Variants in PMEL observed in about 807,000 individuals in gnomAD.
PMEL encodes premelanosome protein, also known as melanocyte protein PMEL.
A neutral mutation model predicts 64.9 loss-of-function variants in PMEL; 53 were observed. The ratio of observed to expected loss-of-function variants is 0.82; its 90% confidence interval spans 0.66 to 1.03. The LOEUF is 1.03. Among genes scored for constraint, PMEL ranks in the 50% least tolerant of loss-of-function variants. The pLI, the probability that PMEL is intolerant of heterozygous loss-of-function variation, is 0.00. For missense variants in PMEL, 716 were observed against 814.9 expected, an observed-to-expected ratio of 0.88 and a Z score of 1.48; for synonymous variants, 299 against 316.2, an observed-to-expected ratio of 0.95 and a Z score of 0.58.
At chr12:55,965,519 T>G (rs1889265759) in intron 1 of PMEL, among the ~76,000 whole-genome samples, 1 of 151,926 alleles carries the variant, frequency 6.6e-6, no homozygotes, top group Non-Finnish European at 1.5e-5. Flanking sequence ...CTGGGCTGTG[T>G]TCACCCGTAC....
intron 1 of PMEL, among the ~76,000 whole-genome samples, chr12:55,962,827 C>T (rs1239424360): frequency 6.6e-6 from 1 of 151,872 alleles, no homozygotes; most frequent in Non-Finnish European, 1.5e-5. Flanking sequence ...CACTGCGCCT[C>T]GCCTGTTTTG....
chr12:55,957,083 A>G lies in PMEL; in HGVS notation c.1220T>C (p.Ile407Thr). The G allele has an allele frequency of 6.2e-7, 1 of 1,614,166 alleles. No individual in the cohort carries two copies. The highest frequency in any genetic ancestry group is 1.7e-5 in the Admixed American group (1 of 60,028). ...ATGMTPAEVS[I>T]VVLSGTTAAQ... is the part of the protein sequence containing the mutation. ...AGCTGTGGTTCCAGAAAGCACCACA[A>G]TTGATACCTCTGCAGGTGTCATACC... Residue 407 changes from isoleucine to threonine, a missense_variant, in exon 6 of 11, where the codon ATT (isoleucine) becomes ACT (threonine). Transcript: ENST00000548747.
intron 3 of PMEL, among the ~76,000 whole-genome samples, chr12:55,958,978 C>G (rs948551415): frequency 4.0e-5 from 6 of 150,062 alleles, no homozygotes; most frequent in African/African-American, 1.5e-4. Flanking sequence ...CAGGGTCTTG[C>G]TATATTGCCA....
At chr12:55,964,365 G>A (rs933159855) in intron 1 of PMEL, among the ~76,000 whole-genome samples, 1 of 151,828 alleles carries the variant, frequency 6.6e-6, no homozygotes, top group Non-Finnish European at 1.5e-5. Flanking sequence ...TCTCTATGTT[G>A]GTCAGGCTGG....
Position 55,957,074 on chromosome 12 carries a change from A to G in PMEL, c.1229T>C (p.Leu410Pro). The stretch of plus-strand genomic sequence containing the variant: ...TACCTGTGCAGCTGTGGTTCCAGAA[A>G]GCACCACAATTGATACCTCTGCAGG... ...MTPAEVSIVV[L>P]SGTTAAQVTT... is the part of the protein sequence containing the mutation. Residue 410 changes from leucine (L) to proline (P), a missense_variant, in exon 6 of 11, where the codon CTT becomes CCT. Transcript: ENST00000548747. The G allele has an allele frequency of 6.2e-7, 1 of 1,614,216 alleles. No homozygotes were observed. The highest frequency in any genetic ancestry group is 8.5e-7 in the Non-Finnish European group (1 of 1,180,032).
Position 55,961,826 on chromosome 12 carries a change from C to T in PMEL, c.77-94G>A, listed in dbSNP as rs888191873. 2.4e-4 allele frequency: 168 copies of T among 712,998 alleles called. No individual in the cohort carries two copies. The South Asian group carries it at 2.4e-3, about 10-fold the overall frequency. The allele number at this position is 712,998 out of a possible 1,614,324, so 44.2% of individuals were successfully genotyped here. A position where few individuals can be genotyped will look rare whatever the true frequency, so the allele number is the denominator to read the frequency against. On this transcript the variant is annotated intron_variant, in intron 1 of 10. Coordinates refer to ENST00000548747, the MANE Select transcript of PMEL (RefSeq NM_001384361.1). ...ATGTCACTCCATTCATTCTCACATT[C>T]GAAGTGCATTTTTTTTTTTTTTTTT...
At chr12:55,964,488 TAG>T (rs1423988605) in intron 1 of PMEL, among the ~76,000 whole-genome samples, 2 of 152,138 alleles carry the variant, frequency 1.3e-5, no homozygotes, top group African/African-American at 4.8e-5. Context: ...TTACGTTTCG[TAG>T]AGACAAGGTC....
intron 7 of PMEL, 93 bp downstream of exon 7, chr12:55,956,010 A>G: frequency 9.1e-7 from 1 of 1,098,864 alleles, no homozygotes; most frequent in Non-Finnish European, 1.4e-6. Context: ...CTTCCTATCT[A>G]GGTGAGTAAT....
At chr12:55,962,813 G>C (rs1423888326) in intron 1 of PMEL, among the ~76,000 whole-genome samples, 1 of 151,894 alleles carries the variant, frequency 6.6e-6, no homozygotes, top group African/African-American at 2.4e-5. Flanking sequence ...TTATAGGCGT[G>C]AGCCACTGCG....
rs114123326 is a variant in PMEL, at chr12:55,965,822, G to A, written c.76+114C>T. On this transcript the variant is annotated intron_variant, in intron 1 of 10. Transcript: ENST00000548747. ...TGCCCACATCCTCACTAAATCAAATGAGTGGGAGACGCCTGAAATATTGCC... is the reference window on the plus strand; with the variant it reads ...TGCCCACATCCTCACTAAATCAAATAAGTGGGAGACGCCTGAAATATTGCC... 1,474 of 1,291,806 alleles carry A rather than the reference G, an allele frequency of 1.1e-3. 15 individuals carry two copies. The African/African-American group carries it at 0.019, about 17-fold the overall frequency. 80.0% of individuals were successfully genotyped at this position (1,291,806 alleles called of 1,614,324 possible). A position where few individuals can be genotyped will look rare whatever the true frequency, so the allele number is the denominator to read the frequency against.
At chr12:55,965,666 C>G (rs962778247) in intron 1 of PMEL, among the ~76,000 whole-genome samples, 1 of 152,150 alleles carries the variant, frequency 6.6e-6, no homozygotes, top group Non-Finnish European at 1.5e-5. Context: ...CTTTGGAGCC[C>G]GTGCTCCAGC....
chr12:55,961,549 C>A (rs764487532), intron 2 of PMEL, 73 bp downstream of exon 2: 61 of 1,588,710 alleles, frequency 3.8e-5, no homozygotes, highest in Non-Finnish European at 4.9e-5. Flanking sequence ...AAGCTACACT[C>A]GATGCAGTTC....
At chr12:55,963,303 G>C (rs1164269346) in intron 1 of PMEL, among the ~76,000 whole-genome samples, 1 of 152,176 alleles carries the variant, frequency 6.6e-6, no homozygotes, top group Non-Finnish European at 1.5e-5. Flanking sequence ...CTGACCAAGA[G>C]AGGTCTGAGA....
At chr12:55,959,412 A>AAT (rs1179957796) in intron 3 of PMEL, among the ~76,000 whole-genome samples, 18 of 151,130 alleles carry the variant, frequency 1.2e-4, no homozygotes, top group African/African-American at 4.4e-4. Flanking sequence ...TAAATAAATA[A>AAT]AATAAGAAAA....
At chr12:55,957,719 TC>T in intron 5 of PMEL, 48 bp from the exon 6 acceptor site, 1 of 1,562,808 alleles carries the variant, frequency 6.4e-7, no homozygotes, top group East Asian at 2.2e-5. Flanking sequence ...AGCCACAGCT[TC>T]TCCTTTCACA....
In PMEL at chr12:55,957,020, G is replaced by T; in HGVS notation, c.1283C>A (p.Ala428Asp). Residue 428 changes from alanine to aspartate, a missense_variant, in exon 6 of 11, where the codon GCT becomes GAT. Ala to Asp is a moderately radical substitution (Grantham distance 126). Transcript: ENST00000548747. ...AGGCTCAGGGATAGGTAGCTCTCTA[G>T]CTGTGGTCTCCACCCACTCTGTAGT... is the stretch of plus-strand genomic sequence containing the variant. ...VTTTEWVETT[A>D]RELPIPEPEG... 1 of 1,614,212 alleles carries T rather than the reference G, an allele frequency of 6.2e-7. No individual in the cohort carries two copies. Among genetic ancestry groups the T allele is most frequent in the Non-Finnish European group, 8.5e-7 (1 of 1,180,020 alleles).
chr12:55,961,249 T>C (rs556737665), intron 3 of PMEL, 68 bp downstream of exon 3: 2 of 1,411,136 alleles, frequency 1.4e-6, no homozygotes, highest in South Asian at 2.3e-5. Flanking sequence ...GGGCATTCCC[T>C]GAGCTCACTG....
chr12:55,963,058 G>A (rs1889166111), intron 1 of PMEL, among the ~76,000 whole-genome samples: 1 of 151,878 alleles, frequency 6.6e-6, no homozygotes, highest in Non-Finnish European at 1.5e-5. Context: ...TCAGGGGGCT[G>A]AGGCAGGAGA....
At position 55,962,928 on chromosome 12, in the gene PMEL, C is replaced by T. The variant is rs553177163; in HGVS notation, c.77-1196G>A. On this transcript the variant is annotated intron_variant, in intron 1 of 10. Transcript: ENST00000548747. Reference sequence around the variant, plus strand: ...CTGTAATCCCAGCACTTTGAGAGGCCGAGGCAGGTGGATCACAAGGTCAGG... The same window carrying T: ...CTGTAATCCCAGCACTTTGAGAGGCTGAGGCAGGTGGATCACAAGGTCAGG... 2.4e-3 allele frequency among the ~76,000 whole-genome samples: 359 copies of T among 151,812 alleles called. 2 individuals carry two copies. Among genetic ancestry groups the T allele is most frequent in the Non-Finnish European group, 3.9e-3 (265 of 67,922 alleles).
Sources: gnomAD v4.1 joint callset for allele counts (sites outside exome capture counted in the v4.1 genomes callset) on GRCh38, gnomAD v4.1.1 for gene constraint, MANE v1.5 for transcripts, NCBI Gene and HGNC (gene_info 2026-07-23, HGNC 2026-07-21) for gene names.